The following PTH2R variants were observed in gnomAD, a reference collection of about 807,000 sequenced individuals.
PTH2R encodes parathyroid hormone 2 receptor, also known as PTH2 receptor.
PTH2R carries 59 observed loss-of-function variants against 60.3 expected under a neutral mutation model. The ratio of observed to expected loss-of-function variants is 0.98; its 90% CI spans 0.79 to 1.22. PTH2R has a LOEUF of 1.22. Ranked by LOEUF, PTH2R falls within the 50% of genes most tolerant of loss-of-function variation. The probability of loss-of-function intolerance (pLI) is 0.00; values close to 1 mark genes in which losing one functional copy is unlikely to be tolerated. For synonymous variants in PTH2R, 256 were observed against 243.8 expected, an observed-to-expected ratio of 1.05 and a Z score of -0.47; for missense variants, 749 against 682.6, an observed-to-expected ratio of 1.10 and a Z score of -1.08.
intron 8 of PTH2R, among the ~76,000 whole-genome samples, chr2:208,459,428 A>G (rs979148045): frequency 9.2e-5 from 14 of 152,142 alleles, no homozygotes; most frequent in Non-Finnish European, 2.1e-4. Flanking sequence ...TTTCTATTGC[A>G]TTTCTATGAA....
intron 5 of PTH2R, 74 bp downstream of exon 5, chr2:208,442,535 A>C: frequency 1.7e-6 from 2 of 1,179,288 alleles, no homozygotes; most frequent in East Asian, 2.4e-5. Flanking sequence ...TAGCGGTCTC[A>C]CAATATTTTC....
intron 1 of PTH2R, among the ~76,000 whole-genome samples, chr2:208,380,003 C>T (rs375968987): frequency 5.9e-5 from 9 of 152,216 alleles, no homozygotes; most frequent in South Asian, 2.1e-4. Flanking sequence ...TTTCCGATTT[C>T]ATTCTCACTA....
intron 8 of PTH2R, among the ~76,000 whole-genome samples, chr2:208,457,990 A>G (rs1702548686): frequency 6.6e-6 from 1 of 152,172 alleles, no homozygotes; most frequent in South Asian, 2.1e-4. Flanking sequence ...CATTGCCACA[A>G]TCAATACTGG....
At position 208,493,261 on chromosome 2, in the gene PTH2R, T is replaced by A. The variant is rs570602635; in HGVS notation, c.1258-3T>A. The A allele has an allele frequency of 6.7e-7, 1 of 1,491,684 alleles. No individual in the cohort carries two copies. Among genetic ancestry groups the A allele is most frequent in the East Asian group, 2.3e-5 (1 of 42,684 alleles). The allele number at this position is 1,491,684 out of a possible 1,614,324, so 92.4% of individuals were successfully genotyped here. On this transcript the variant is annotated splice_region_variant and splice_polypyrimidine_tract_variant and intron_variant, in intron 12 of 12. Coordinates refer to ENST00000272847, the MANE Select transcript of PTH2R (RefSeq NM_005048.4). ...CATGCACAGCATGTTTCTCGTGGCT[T>A]AGGTTCAGGCAGAGGTGAAGAAGAT...
At chr2:208,465,661 C>T (rs1193395283) in intron 9 of PTH2R, among the ~76,000 whole-genome samples, 1 of 151,952 alleles carries the variant, frequency 6.6e-6, no homozygotes, top group Non-Finnish European at 1.5e-5. Context: ...CCTCGGCCTC[C>T]CAAAGTGCTG....
chr2:208,416,226 C>T (rs1017964450), intron 1 of PTH2R, among the ~76,000 whole-genome samples: 2 of 151,842 alleles, frequency 1.3e-5, no homozygotes, highest in Non-Finnish European at 2.9e-5. Flanking sequence ...TGTGCTAAGA[C>T]GTGTTAAAAA....
upstream of PTH2R, among the ~76,000 whole-genome samples, chr2:208,405,351 G>T (rs1365414671): frequency 1.3e-5 from 2 of 152,020 alleles, no homozygotes; most frequent in Non-Finnish European, 2.9e-5. Flanking sequence ...AATTATAAAA[G>T]AAAAGACTGC....
chr2:208,373,647 C>T (rs1700742768), intron 1 of PTH2R, among the ~76,000 whole-genome samples: 1 of 152,044 alleles, frequency 6.6e-6, no homozygotes, highest in African/African-American at 2.4e-5. Flanking sequence ...ATTTAAATTG[C>T]AGTGGTGAGC....
intron 4 of PTH2R, among the ~76,000 whole-genome samples, chr2:208,438,260 C>T (rs1702116561): frequency 6.6e-6 from 1 of 152,066 alleles, no homozygotes; most frequent in Non-Finnish European, 1.5e-5. Flanking sequence ...CTGTATATTC[C>T]AGAAGGACCT....
chr2:208,415,072 G>A lies in PTH2R; in HGVS notation c.75+7954G>A, dbSNP rs113046422. On this transcript the variant is annotated intron_variant, in intron 1 of 12. Transcript: ENST00000272847. ...TTGATGAGACCCCAGAACAGACAAA[G>A]GACGTTAGGTAAAAACTAAGAAAAT... 8.2e-3 allele frequency among the ~76,000 whole-genome samples: 1,249 copies of A among 152,144 alleles called. 18 individuals are homozygous for A. Among genetic ancestry groups the A allele is most frequent in the African/African-American group, 0.028 (1,173 of 41,510 alleles).
chr2:208,452,146 G>T (rs535572257), intron 8 of PTH2R, among the ~76,000 whole-genome samples: 24 of 152,154 alleles, frequency 1.6e-4, no homozygotes, highest in Non-Finnish European at 3.4e-4. Flanking sequence ...TCAGGTACAG[G>T]TGTCTTATAG....
At chr2:208,446,285 G>A (rs992383839) in intron 7 of PTH2R, among the ~76,000 whole-genome samples, 2 of 152,040 alleles carry the variant, frequency 1.3e-5, no homozygotes, top group African/African-American at 2.4e-5. Context: ...TTGTCCCACC[G>A]AATCTCAGAA....
At chr2:208,485,964 C>T (rs905205607) in intron 10 of PTH2R, among the ~76,000 whole-genome samples, 2 of 152,152 alleles carry the variant, frequency 1.3e-5, no homozygotes, top group Admixed American at 6.5e-5. Context: ...TAGCTAGAAC[C>T]TGAGAAAAGC....
rs563760440 is a variant in PTH2R at position 208,443,512 on chromosome 2, C to T, written c.674C>T (p.Ala225Val). 1.2e-6 allele frequency: 2 copies of T among 1,609,788 alleles called. No individual in the cohort carries two copies. Among genetic ancestry groups the T allele is most frequent in the East Asian group, 2.2e-5 (1 of 44,796 alleles). Residue 225 changes from alanine (A) to valine (V), a missense_variant, in exon 6 of 13, where the codon GCA becomes GTA. Ala to Val is a moderately conservative substitution (Grantham distance 64). Transcript: ENST00000272847. ...MQDDPQNSIE[A>V]TSVDKSQYIG... ...GATGACCCACAAAATTCCATTGAGG[C>T]AACTTCTGTGGACAAATCACAATAT...
In PTH2R at chr2:208,489,116, G is replaced by T; in HGVS notation, c.1181G>T (p.Arg394Leu). The stretch of plus-strand genomic sequence containing the variant: ...TTCACTGGGCTCGGGTGGGAGATCC[G>T]CATGCACTGTGAGCTCTTCTTCAAC... ...HSFTGLGWEI[R>L]MHCELFFNSF... The change falls in exon 11 of 13, where the codon CGC becomes CTC. Residue 394 changes from arginine to leucine, a missense_variant. Physicochemically the swap from Arg to Leu is moderately radical, Grantham distance 102. Transcript: ENST00000272847. 2 of 1,614,140 alleles carry T rather than the reference G, an allele frequency of 1.2e-6. No homozygotes were observed. Among genetic ancestry groups the T allele is most frequent in the East Asian group, 4.5e-5 (2 of 44,882 alleles).
chr2:208,456,837 G>A lies in PTH2R; in HGVS notation c.915-3058G>A, dbSNP rs145532625. Among the ~76,000 whole-genome samples the A allele has an allele frequency of 1.1e-3, 175 of 152,246 alleles. 1 individual carries two copies. Among genetic ancestry groups the A allele is most frequent in the African/African-American group, 4.1e-3 (169 of 41,556 alleles). ...ACATTGAAGAATTAACTAAAAACAA[G>A]CATTAATAACATTTTCTTTAAAAAG... is the stretch of plus-strand genomic sequence containing the variant. On this transcript the variant is annotated intron_variant, in intron 8 of 12. Coordinates refer to ENST00000272847, the MANE Select transcript of PTH2R (RefSeq NM_005048.4).
At chr2:208,375,260 T>C (rs188882559) in intron 1 of PTH2R, among the ~76,000 whole-genome samples, 78 of 151,934 alleles carry the variant, frequency 5.1e-4, no homozygotes, top group African/African-American at 1.6e-3. Context: ...AAGTAATGAA[T>C]CCCCCCGTGA....
At chr2:208,481,398 A>G (rs1434315647) in intron 10 of PTH2R, among the ~76,000 whole-genome samples, 1 of 151,896 alleles carries the variant, frequency 6.6e-6, no homozygotes, top group Non-Finnish European at 1.5e-5. Flanking sequence ...TTTAGTAGAG[A>G]TGAGGTTTTG....
At chr2:208,472,956 C>T (rs1702918409) in intron 9 of PTH2R, among the ~76,000 whole-genome samples, 1 of 152,154 alleles carries the variant, frequency 6.6e-6, no homozygotes, top group Admixed American at 6.5e-5. Context: ...CAGGTAATGC[C>T]ATGCCAGAGC....
Sources: allele counts gnomAD v4.1 joint callset (sites outside exome capture counted in the v4.1 genomes callset), GRCh38; gene constraint gnomAD v4.1.1; transcripts MANE v1.5; gene names NCBI Gene and HGNC (gene_info 2026-07-23, HGNC 2026-07-21).